Variants in FGD5 observed in about 807,000 individuals in gnomAD.
FGD5 encodes the protein FYVE, RhoGEF and PH domain containing 5, also known as FYVE, RhoGEF and PH domain-containing protein 5.
FGD5 carries 28 observed loss-of-function variants against 133.4 expected under a neutral mutation model. The observed-to-expected ratio is 0.21, with a 90% confidence interval of 0.16 to 0.29. FGD5 has a LOEUF of 0.29. FGD5 is among the 10% of genes least tolerant of loss of function. The pLI, the probability that FGD5 is intolerant of heterozygous loss-of-function variation, is 1.00. For missense variants in FGD5, 1,858 were observed against 1,895.2 expected (o/e 0.98, Z 0.36); for synonymous variants, 810 against 776.5 (o/e 1.04, Z -0.72).
intron 18 of FGD5, chr3:14,931,093 G>A (rs1250281465): frequency 6.6e-6 from 1 of 152,156 alleles, no homozygotes; most frequent in Non-Finnish European, 1.5e-5. Flanking sequence ...ACTGATGAGA[G>A]TGAACACCAT....
In FGD5 at chr3:14,922,225, C is replaced by G. The variant is rs981400636; in HGVS notation, c.3670-186C>G. On this transcript the variant is annotated intron_variant, in intron 14 of 19. Transcript: ENST00000285046. The surrounding 1 kb of genome is among the most constrained non-coding windows in gnomAD (Gnocchi z 4.1). ...CCCAGCACCCACAGTCTTGTTCTCACAGTCTGGCTGTTTCCCAACCAAGGG... is the reference window on the plus strand; with the variant it reads ...CCCAGCACCCACAGTCTTGTTCTCAGAGTCTGGCTGTTTCCCAACCAAGGG... 28 of 1,029,590 alleles carry G rather than the reference C, an allele frequency of 2.7e-5. No homozygotes were observed. In the African/African-American group the frequency reaches 3.8e-4, roughly 14 times the overall value. The allele number at this position is 1,029,590 out of a possible 1,614,324, so 63.8% of individuals were successfully genotyped here. A position where few individuals can be genotyped will look rare whatever the true frequency, so the allele number is the denominator to read the frequency against.
At chr3:14,879,138 G>A (rs1036250513) in intron 2 of FGD5, among the ~76,000 whole-genome samples, 5 of 152,356 alleles carry the variant, frequency 3.3e-5, no homozygotes, top group African/African-American at 1.2e-4. Flanking sequence ...CAGCACAGAA[G>A]GGAATTTAGA....
chr3:14,844,214 AAAAATATATATATATATAT>A (rs1322158253), intron 1 of FGD5, among the ~76,000 whole-genome samples: 14 of 35,560 alleles, frequency 3.9e-4, no homozygotes, highest in African/African-American at 4.6e-4. Context: ...TAAAAAAAAA[AAAAATATATATATATATAT>A]ATATATATAT....
chr3:14,889,276 A>G (rs2037980704), intron 4 of FGD5, among the ~76,000 whole-genome samples: 1 of 152,166 alleles, frequency 6.6e-6, no homozygotes, highest in Non-Finnish European at 1.5e-5. Flanking sequence ...TACCCTCCCA[A>G]AGGTTACCAC....
intron 1 of FGD5, among the ~76,000 whole-genome samples, chr3:14,859,552 C>T (rs116666502): frequency 0.049 from 7,418 of 149,952 alleles, 224 homozygotes; most frequent in Middle Eastern, 0.092. Flanking sequence ...AGAGCGAGAC[C>T]TCCCCCCAAA....
intron 2 of FGD5, among the ~76,000 whole-genome samples, chr3:14,866,979 C>T (rs2037507903): frequency 6.6e-6 from 1 of 152,204 alleles, no homozygotes; most frequent in Admixed American, 6.5e-5. Context: ...GTTCACTCAC[C>T]AGAGTCCAGA....
intron 11 of FGD5, among the ~76,000 whole-genome samples, chr3:14,916,305 A>C (rs2038552439): frequency 6.6e-6 from 1 of 152,222 alleles, no homozygotes; most frequent in African/African-American, 2.4e-5. Flanking sequence ...TACAACCCTG[A>C]GCGTGATGTC....
At chr3:14,878,996 T>G (rs912049803) in intron 2 of FGD5, among the ~76,000 whole-genome samples, 1 of 152,194 alleles carries the variant, frequency 6.6e-6, no homozygotes, top group East Asian at 1.9e-4. Flanking sequence ...CGTGAGCCAC[T>G]GTGCCCGGCC....
chr3:14,813,658 C>A (rs538186635), intron 1 of FGD5, among the ~76,000 whole-genome samples: 1 of 152,168 alleles, frequency 6.6e-6, no homozygotes, highest in Non-Finnish European at 1.5e-5. Context: ...TGACTGGTCC[C>A]GTCCCCTCAC....
At chr3:14,932,477 C>A in intron 18 of FGD5, 100 bp from the exon 19 acceptor site, 1 of 1,393,840 alleles carries the variant, frequency 7.2e-7, no homozygotes, top group East Asian at 2.5e-5. Flanking sequence ...AAGCACACCC[C>A]ACACAGAGGC....
At chr3:14,891,913 TTCTC>T (rs1176849827) in intron 4 of FGD5, among the ~76,000 whole-genome samples, 6 of 150,410 alleles carry the variant, frequency 4.0e-5, no homozygotes, top group East Asian at 4.0e-4. Flanking sequence ...CACTCTCCCC[TTCTC>T]TCTCTCTCTC....
At chr3:14,877,722 A>C (rs2037747398) in intron 2 of FGD5, among the ~76,000 whole-genome samples, 1 of 152,162 alleles carries the variant, frequency 6.6e-6, no homozygotes, top group Non-Finnish European at 1.5e-5. Flanking sequence ...GGCTGCTCTG[A>C]TGTGTGTCTG....
At chr3:14,848,546 G>A (rs2037099262) in intron 1 of FGD5, among the ~76,000 whole-genome samples, 2 of 152,190 alleles carry the variant, frequency 1.3e-5, no homozygotes, top group South Asian at 4.1e-4. Flanking sequence ...TGGGGTACAG[G>A]TTAGGCACCT....
chr3:14,903,581 C>G (rs1322882889), intron 9 of FGD5, among the ~76,000 whole-genome samples: 1 of 147,298 alleles, frequency 6.8e-6, no homozygotes, highest in African/African-American at 2.5e-5. Flanking sequence ...TCATTTCCCA[C>G]CTGTGAGTGA....
At chr3:14,854,645 C>T (rs2125097328) in intron 1 of FGD5, among the ~76,000 whole-genome samples, 1 of 152,142 alleles carries the variant, frequency 6.6e-6, no homozygotes, top group South Asian at 2.1e-4. Context: ...CTCAAAGACT[C>T]CTGGGCTCAG....
At chr3:14,879,593 CTCTT>C (rs1159379127) in intron 2 of FGD5, among the ~76,000 whole-genome samples, 2 of 152,274 alleles carry the variant, frequency 1.3e-5, no homozygotes, top group Non-Finnish European at 2.9e-5. Flanking sequence ...TCCTCACTCA[CTCTT>C]TCAGTCAACA....
At chr3:14,852,397 G>C (rs927632746) in intron 1 of FGD5, among the ~76,000 whole-genome samples, 4 of 152,260 alleles carry the variant, frequency 2.6e-5, no homozygotes, top group African/African-American at 9.6e-5. Flanking sequence ...AATCCGTAGA[G>C]ACGGGAAGTA....
chr3:14,857,718 G>A (rs1479118689), intron 1 of FGD5, among the ~76,000 whole-genome samples: 2 of 152,178 alleles, frequency 1.3e-5, no homozygotes, highest in East Asian at 3.9e-4. Context: ...CTGATGGAAG[G>A]ATGGGGCAGT....
chr3:14,922,181 C>T lies in FGD5; in HGVS notation c.3669+164C>T. 1 of 981,912 alleles carries T rather than the reference C, an allele frequency of 1.0e-6. No homozygotes were observed. The highest frequency in any genetic ancestry group is 1.5e-6 in the Non-Finnish European group (1 of 664,086). The allele number at this position is 981,912 out of a possible 1,614,324, so 60.8% of individuals were successfully genotyped here. A position where few individuals can be genotyped will look rare whatever the true frequency, so the allele number is the denominator to read the frequency against. On this transcript the variant is annotated intron_variant, in intron 14 of 19. Coordinates refer to ENST00000285046, the MANE Select transcript of FGD5 (RefSeq NM_152536.4). The surrounding 1 kb of genome is among the most constrained non-coding windows in gnomAD (Gnocchi z 4.1). ...ATGCTCCCACCCTAGTCAGGGGCGGCCTCCGTGTAACCTAGGAGCCCAGCA... is the reference window on the plus strand; with the variant it reads ...ATGCTCCCACCCTAGTCAGGGGCGGTCTCCGTGTAACCTAGGAGCCCAGCA...
Sources: gnomAD v4.1 joint callset for allele counts (sites outside exome capture counted in the v4.1 genomes callset) on GRCh38, gnomAD v4.1.1 for gene constraint, Gnocchi (gnomAD v3.1) non-coding constraint, MANE v1.5 for transcripts, NCBI Gene and HGNC (gene_info 2026-07-23, HGNC 2026-07-21) for gene names.